The following ZC3H13 variants were observed in gnomAD, a reference collection of about 807,000 sequenced individuals.
The protein encoded by ZC3H13 is zinc finger CCCH domain-containing protein 13.
In ZC3H13, 64 loss-of-function variants were observed where a neutral mutation model predicts 204.1. The observed-to-expected ratio is 0.31, with a 90% CI of 0.26 to 0.39. The LOEUF (loss-of-function observed/expected upper bound fraction) is 0.39, where lower values mean the gene tolerates loss of function less well. ZC3H13 is among the 10% of genes least tolerant of loss of function. ZC3H13 has a pLI of 1.00. For synonymous variants in ZC3H13, 667 were observed against 693.7 expected, an observed-to-expected ratio of 0.96 and a Z score of 0.60; for missense variants, 1,833 against 2,082.7, an observed-to-expected ratio of 0.88 and a Z score of 2.33.
intron 8 of ZC3H13, among the ~76,000 whole-genome samples, chr13:45,993,361 T>C (rs1451391146): frequency 6.6e-6 from 1 of 152,194 alleles, no homozygotes; most frequent in Non-Finnish European, 1.5e-5. Context: ...GGTTGCTTGG[T>C]AAGGAAAGGA....
intron 3 of ZC3H13, among the ~76,000 whole-genome samples, chr13:46,042,528 G>C (rs2043659616): frequency 6.6e-6 from 1 of 152,060 alleles, no homozygotes; most frequent in African/African-American, 2.4e-5. Context: ...ATTCCACGAA[G>C]TGGCAGGTAC....
chr13:45,964,321 C>G (rs1422042079), intron 16 of ZC3H13, among the ~76,000 whole-genome samples: 1 of 152,176 alleles, frequency 6.6e-6, no homozygotes, highest in African/African-American at 2.4e-5. Context: ...TGAAAGAACT[C>G]TATTGATTTC....
At chr13:45,977,248 G>A (rs916759456) in intron 11 of ZC3H13, among the ~76,000 whole-genome samples, 1 of 152,030 alleles carries the variant, frequency 6.6e-6, no homozygotes. Flanking sequence ...CTTTTGTATT[G>A]TCTGAATTCC....
At chr13:45,984,912 G>A (rs572750745) in intron 10 of ZC3H13, among the ~76,000 whole-genome samples, 9 of 152,298 alleles carry the variant, frequency 5.9e-5, no homozygotes, top group African/African-American at 1.2e-4. Context: ...AGTCATTTCT[G>A]ATGCCAACAA....
intron 10 of ZC3H13, among the ~76,000 whole-genome samples, chr13:45,982,200 A>AT (rs1487642544): frequency 6.6e-6 from 1 of 152,004 alleles, no homozygotes; most frequent in Non-Finnish European, 1.5e-5. Flanking sequence ...TTACAGCATG[A>AT]TTCTACGGGT....
intron 13 of ZC3H13, 112 bp from the exon 14 acceptor site, chr13:45,970,083 C>T: frequency 7.4e-7 from 1 of 1,346,464 alleles, no homozygotes; most frequent in Non-Finnish European, 9.9e-7. Context: ...CTTTGGGAGG[C>T]CGAGGCAGGT....
rs79371813 is a variant in ZC3H13, at chr13:46,031,063, G to A, written c.340-10506C>T. Reference sequence around the variant, plus strand: ...TATAGCAATCAAGACAGTGTGGGACGGGCAAAAGAAATGACAAACAGATCA... The same window carrying A: ...TATAGCAATCAAGACAGTGTGGGACAGGCAAAAGAAATGACAAACAGATCA... On this transcript the variant is annotated intron_variant, in intron 4 of 18. Transcript: ENST00000679008. Among the ~76,000 whole-genome samples the A allele has an allele frequency of 6.9e-3, 1,054 of 152,112 alleles. 5 individuals are homozygous for A. The highest frequency in any genetic ancestry group is 0.024 in the African/African-American group (983 of 41,482).
intron 4 of ZC3H13, among the ~76,000 whole-genome samples, chr13:46,028,823 T>C (rs915424517): frequency 1.3e-5 from 2 of 152,130 alleles, no homozygotes; most frequent in Non-Finnish European, 2.9e-5. Flanking sequence ...AAGAGATATT[T>C]ATAGCATTGA....
chr13:45,984,664 A>G (rs538270511), intron 10 of ZC3H13, among the ~76,000 whole-genome samples: 1 of 152,332 alleles, frequency 6.6e-6, no homozygotes, highest in East Asian at 1.9e-4. Context: ...AGACCAATGG[A>G]AAGAATAAAA....
intron 4 of ZC3H13, among the ~76,000 whole-genome samples, chr13:46,024,557 CT>C (rs2042418457): frequency 6.6e-6 from 1 of 151,956 alleles, no homozygotes; most frequent in African/African-American, 2.4e-5. Context: ...GGGGATTTGT[CT>C]TTCTGTATCT....
chr13:45,985,185 A>G, intron 10 of ZC3H13, 112 bp downstream of exon 10: 1 of 1,163,534 alleles, frequency 8.6e-7, no homozygotes, highest in Non-Finnish European at 1.2e-6. Context: ...CAATTAATTA[A>G]AAATTACTGT....
chr13:45,977,632 A>G (rs1953169835), intron 11 of ZC3H13, among the ~76,000 whole-genome samples: 1 of 152,100 alleles, frequency 6.6e-6, no homozygotes, highest in Non-Finnish European at 1.5e-5. Context: ...ATATCCAAGT[A>G]CAATCAACTT....
intron 5 of ZC3H13, among the ~76,000 whole-genome samples, chr13:46,018,897 A>C (rs770573623): frequency 6.6e-6 from 1 of 152,176 alleles, no homozygotes; most frequent in Non-Finnish European, 1.5e-5. Flanking sequence ...GTTAAAAGGT[A>C]ACCCCTTAGT....
intron 11 of ZC3H13, among the ~76,000 whole-genome samples, chr13:45,976,531 A>G (rs988023579): frequency 6.6e-6 from 1 of 152,248 alleles, no homozygotes; most frequent in Non-Finnish European, 1.5e-5. Flanking sequence ...AATTACATAA[A>G]TGATTACTCA....
At chr13:45,986,415 A>C (rs185576899) in intron 9 of ZC3H13, among the ~76,000 whole-genome samples, 2 of 152,352 alleles carry the variant, frequency 1.3e-5, no homozygotes, top group Admixed American at 1.3e-4. Flanking sequence ...CAACATAGGA[A>C]GATGAGACTT....
At chr13:45,992,953 C>T (rs527989883) in intron 8 of ZC3H13, among the ~76,000 whole-genome samples, 11 of 152,224 alleles carry the variant, frequency 7.2e-5, no homozygotes, top group South Asian at 4.1e-4. Flanking sequence ...AGCTTGCAGC[C>T]AGATCACAGG....
chr13:45,992,311 GA>G (rs1163650518), intron 8 of ZC3H13, among the ~76,000 whole-genome samples: 5 of 152,044 alleles, frequency 3.3e-5, no homozygotes, highest in Admixed American at 1.3e-4. Flanking sequence ...TGGCAATGAG[GA>G]TACAGAAATG....
intron 5 of ZC3H13, among the ~76,000 whole-genome samples, chr13:46,015,253 T>C (rs1395481727): frequency 2.6e-5 from 4 of 152,196 alleles, no homozygotes; most frequent in Non-Finnish European, 4.4e-5. Flanking sequence ...TGCAGTAAGA[T>C]TGAGCATTTA....
intron 7 of ZC3H13, among the ~76,000 whole-genome samples, chr13:46,004,755 T>G (rs2041012407): frequency 6.6e-6 from 1 of 152,190 alleles, no homozygotes. Flanking sequence ...TTTCTCAATC[T>G]TATTTAAGAA....
Sources: gnomAD v4.1 joint callset for allele counts (sites outside exome capture counted in the v4.1 genomes callset) on GRCh38, gnomAD v4.1.1 for gene constraint, MANE v1.5 for transcripts, NCBI Gene and HGNC (gene_info 2026-07-23, HGNC 2026-07-21) for gene names.